CTNNA3: variants seen among roughly 807,000 people sequenced by gnomAD.
CTNNA3 encodes the protein catenin alpha-3.
CTNNA3 carries 76 observed loss-of-function variants against 95.7 expected under a neutral mutation model. That is an observed-to-expected ratio of 0.79 (90% confidence interval 0.66 to 0.96). CTNNA3 has a LOEUF of 0.96. Ranked by LOEUF, CTNNA3 falls within the 40% of genes least tolerant of loss-of-function variation. The pLI is 0.00. For missense variants in CTNNA3, 1,191 were observed against 1,089.8 expected, an observed-to-expected ratio of 1.09 and a Z score of -1.31; for synonymous variants, 431 against 374.4, an observed-to-expected ratio of 1.15 and a Z score of -1.74.
chr10:66,920,093 AC>A (rs1846712050), intron 7 of CTNNA3, among the ~76,000 whole-genome samples: 1 of 152,182 alleles, frequency 6.6e-6, no homozygotes, highest in Admixed American at 6.5e-5. Context: ...CATGTTCATG[AC>A]CCTTGATAAC....
chr10:67,325,507 G>A (rs911094495), intron 5 of CTNNA3, among the ~76,000 whole-genome samples: 1 of 152,006 alleles, frequency 6.6e-6, no homozygotes. Flanking sequence ...AGTCATTTAG[G>A]AGGTTATTCA....
intron 5 of CTNNA3, among the ~76,000 whole-genome samples, chr10:67,476,245 G>A (rs1564676521): frequency 1.3e-5 from 2 of 151,976 alleles, no homozygotes; most frequent in African/African-American, 2.4e-5. Context: ...CGCAGAAACC[G>A]TGGTACTGCT....
At chr10:66,694,381 C>T (rs1010308417) in intron 9 of CTNNA3, among the ~76,000 whole-genome samples, 4 of 152,146 alleles carry the variant, frequency 2.6e-5, no homozygotes, top group Non-Finnish European at 5.9e-5. Flanking sequence ...ATAAATTCCT[C>T]GACACATACA....
At chr10:66,963,143 A>G (rs1010477940) in intron 7 of CTNNA3, among the ~76,000 whole-genome samples, 1 of 152,338 alleles carries the variant, frequency 6.6e-6, no homozygotes, top group African/African-American at 2.4e-5. Flanking sequence ...AAACAAAGCT[A>G]GTACTTACAG....
At chr10:66,201,992 G>T (rs1237735157) in intron 13 of CTNNA3, among the ~76,000 whole-genome samples, 1 of 151,642 alleles carries the variant, frequency 6.6e-6, no homozygotes, top group African/African-American at 2.4e-5. Context: ...TCACTGTGTT[G>T]CCCAAGTTGG....
chr10:67,348,536 A>G (rs1041000640), intron 5 of CTNNA3, among the ~76,000 whole-genome samples: 2 of 152,138 alleles, frequency 1.3e-5, no homozygotes, highest in African/African-American at 4.8e-5. Context: ...GAGGGCCTCA[A>G]GAAGCTTCCA....
intron 7 of CTNNA3, among the ~76,000 whole-genome samples, chr10:66,795,641 G>C (rs1841156063): frequency 6.6e-6 from 1 of 152,138 alleles, no homozygotes; most frequent in African/African-American, 2.4e-5. Context: ...CTTGTCCTTT[G>C]AAGATTTGAA....
At chr10:67,466,159 T>A (rs904621188) in intron 5 of CTNNA3, among the ~76,000 whole-genome samples, 1 of 152,244 alleles carries the variant, frequency 6.6e-6, no homozygotes, top group African/African-American at 2.4e-5. Flanking sequence ...CAAAAAAAAA[T>A]TTTCTCTCTT....
At chr10:67,564,163 A>C (rs1205460014) in intron 3 of CTNNA3, among the ~76,000 whole-genome samples, 1 of 149,910 alleles carries the variant, frequency 6.7e-6, no homozygotes, top group Non-Finnish European at 1.5e-5. Context: ...AAAGGATCAT[A>C]AATCATGCTT....
chr10:67,651,578 C>A (rs1839879346), intron 1 of CTNNA3, among the ~76,000 whole-genome samples: 1 of 152,184 alleles, frequency 6.6e-6, no homozygotes, highest in Non-Finnish European at 1.5e-5. Context: ...TTACAAATCT[C>A]TTTCCAGATA....
chr10:66,313,177 T>G (rs1738076909), intron 12 of CTNNA3, among the ~76,000 whole-genome samples: 1 of 152,198 alleles, frequency 6.6e-6, no homozygotes, highest in African/African-American at 2.4e-5. Flanking sequence ...GCATATAGCC[T>G]TTAGTTCTGA....
At chr10:66,206,463 AG>A (rs1222847447) in intron 13 of CTNNA3, among the ~76,000 whole-genome samples, 1 of 151,806 alleles carries the variant, frequency 6.6e-6, no homozygotes, top group Non-Finnish European at 1.5e-5. Flanking sequence ...TATCACCCAT[AG>A]ATTCATACAC....
At chr10:66,648,846 G>T (rs1198942567) in intron 9 of CTNNA3, among the ~76,000 whole-genome samples, 1 of 152,126 alleles carries the variant, frequency 6.6e-6, no homozygotes, top group Non-Finnish European at 1.5e-5. Context: ...TACACAGGTT[G>T]GAAATTCAGG....
At chr10:66,568,152 T>C (rs1842768921) in intron 10 of CTNNA3, among the ~76,000 whole-genome samples, 1 of 152,166 alleles carries the variant, frequency 6.6e-6, no homozygotes, top group Admixed American at 6.5e-5. Flanking sequence ...AAGAAGATAT[T>C]AGCCAAGAAG....
At chr10:67,746,610 C>A (rs1193325565) in intron 1 of CTNNA3, among the ~76,000 whole-genome samples, 1 of 152,172 alleles carries the variant, frequency 6.6e-6, no homozygotes, top group Non-Finnish European at 1.5e-5. Flanking sequence ...GCAGCCCCCA[C>A]CTGCAGCCAA....
chr10:67,166,297 G>A (rs539045311), intron 7 of CTNNA3, among the ~76,000 whole-genome samples: 1 of 152,208 alleles, frequency 6.6e-6, no homozygotes, highest in Non-Finnish European at 1.5e-5. Flanking sequence ...TAACATAAAT[G>A]CACTCAGACA....
chr10:67,159,397 G>C (rs1219017824), intron 7 of CTNNA3, among the ~76,000 whole-genome samples: 1 of 152,098 alleles, frequency 6.6e-6, no homozygotes, highest in African/African-American at 2.4e-5. Flanking sequence ...TGCTACAAAG[G>C]AATCATACTT....
intron 12 of CTNNA3, among the ~76,000 whole-genome samples, chr10:66,360,764 C>T (rs912321490): frequency 3.1e-5 from 3 of 95,590 alleles, no homozygotes; most frequent in Non-Finnish European, 6.2e-5. Flanking sequence ...TCCTTCCTTC[C>T]TTCCTTTTCT....
chr10:67,159,979 A>T (rs188641501), intron 7 of CTNNA3, among the ~76,000 whole-genome samples: 23 of 152,298 alleles, frequency 1.5e-4, no homozygotes, highest in African/African-American at 5.1e-4. Context: ...CTATCTGATA[A>T]GGAGTTAATA....
Sources: gnomAD v4.1 joint callset for allele counts (sites outside exome capture counted in the v4.1 genomes callset) on GRCh38, gnomAD v4.1.1 for gene constraint, MANE v1.5 for transcripts, NCBI Gene and HGNC (gene_info 2026-07-23, HGNC 2026-07-21) for gene names.